DSCAM: variants seen among roughly 807,000 people sequenced by gnomAD.
DSCAM encodes the protein DS cell adhesion molecule.
DSCAM carries 47 observed loss-of-function variants against 217.7 expected under a neutral mutation model. The ratio of observed to expected loss-of-function variants is 0.22; its 90% CI spans 0.17 to 0.28. The LOEUF (loss-of-function observed/expected upper bound fraction) is 0.28, where lower values mean the gene tolerates loss of function less well. Among genes scored for constraint, DSCAM ranks in the 10% least tolerant of loss-of-function variants. The pLI is 1.00. For synonymous variants in DSCAM, 1,056 were observed against 1,015.3 expected (o/e 1.04, Z -0.76); for missense variants, 2,080 against 2,618.3 (o/e 0.79, Z 4.49).
At chr21:40,792,958 G>A (rs975950125) in intron 1 of DSCAM, among the ~76,000 whole-genome samples, 26 of 152,054 alleles carry the variant, frequency 1.7e-4, no homozygotes, top group African/African-American at 4.8e-5. Flanking sequence ...TGGGGAGGAG[G>A]GGAGCTGATT....
At chr21:40,423,672 C>G (rs2075445928) in intron 3 of DSCAM, among the ~76,000 whole-genome samples, 1 of 152,078 alleles carries the variant, frequency 6.6e-6, no homozygotes. Flanking sequence ...CTTTTTGTGC[C>G]TTATACCCCT....
chr21:40,410,469 G>A (rs913818698), intron 3 of DSCAM, among the ~76,000 whole-genome samples: 1 of 151,782 alleles, frequency 6.6e-6, no homozygotes, highest in African/African-American at 2.4e-5. Flanking sequence ...ATATTTGAAG[G>A]GAGTATTGAA....
intron 1 of DSCAM, among the ~76,000 whole-genome samples, chr21:40,716,380 A>G (rs1034872010): frequency 4.6e-5 from 7 of 150,664 alleles, no homozygotes; most frequent in Non-Finnish European, 7.4e-5. Context: ...AATGTGAATT[A>G]TGTGTGTGTG....
chr21:40,265,961 G>A (rs1416915248), intron 11 of DSCAM, among the ~76,000 whole-genome samples: 1 of 152,166 alleles, frequency 6.6e-6, no homozygotes, highest in African/African-American at 2.4e-5. Flanking sequence ...AAAGAATTAT[G>A]TCTAGGACCC....
At chr21:40,141,854 C>T (rs1270554278) in intron 18 of DSCAM, among the ~76,000 whole-genome samples, 4 of 152,122 alleles carry the variant, frequency 2.6e-5, no homozygotes, top group Admixed American at 1.3e-4. Flanking sequence ...AGCCTGAGGG[C>T]GAAGACACTG....
At chr21:40,447,537 T>C (rs1195660023) in intron 3 of DSCAM, among the ~76,000 whole-genome samples, 1 of 152,200 alleles carries the variant, frequency 6.6e-6, no homozygotes, top group Non-Finnish European at 1.5e-5. Context: ...AAAAAAAGTA[T>C]TTCAGACATT....
intron 3 of DSCAM, among the ~76,000 whole-genome samples, chr21:40,646,392 CAG>C (rs1178998837): frequency 7.0e-6 from 1 of 141,904 alleles, no homozygotes; most frequent in Admixed American, 7.3e-5. Flanking sequence ...GCCTGGGCAA[CAG>C]AGTGAGAGAC....
At chr21:40,346,654 T>C (rs2074560916) in intron 6 of DSCAM, among the ~76,000 whole-genome samples, 1 of 152,166 alleles carries the variant, frequency 6.6e-6, no homozygotes, top group Non-Finnish European at 1.5e-5. Flanking sequence ...AGCTTTAAGA[T>C]TTAGTATGCA....
chr21:40,124,420 G>A, intron 19 of DSCAM, 92 bp from the exon 20 acceptor site: 3 of 1,524,540 alleles, frequency 2.0e-6, no homozygotes, highest in East Asian at 2.3e-5. Context: ...CGCACTTACT[G>A]TTCAGCTCTT....
In DSCAM at chr21:40,403,780, G is replaced by A. The variant is rs572231732; in HGVS notation, c.509-34535C>T. On this transcript the variant is annotated intron_variant, in intron 3 of 32. Coordinates refer to ENST00000400454, the MANE Select transcript of DSCAM (RefSeq NM_001389.5). Reference sequence around the variant, plus strand: ...TGATAGAAGGCCCTAGACTTGAATGGCTGATGAGGACATTATGCTCATTAA... The same window carrying A: ...TGATAGAAGGCCCTAGACTTGAATGACTGATGAGGACATTATGCTCATTAA... Among the ~76,000 whole-genome samples the A allele has an allele frequency of 2.6e-5, 4 of 152,280 alleles. No homozygotes were observed. The East Asian group carries it at 7.7e-4, about 29-fold the overall frequency.
At chr21:40,497,222 T>C (rs1837957229) in intron 3 of DSCAM, among the ~76,000 whole-genome samples, 2 of 152,116 alleles carry the variant, frequency 1.3e-5, no homozygotes. Flanking sequence ...TTATTCACAA[T>C]AGACAAAAAT....
intron 3 of DSCAM, among the ~76,000 whole-genome samples, chr21:40,400,670 G>A (rs1430055091): frequency 1.3e-5 from 2 of 152,156 alleles, no homozygotes; most frequent in African/African-American, 2.4e-5. Flanking sequence ...TTCTGCCTTG[G>A]CCTCCCAAAG....
At chr21:40,237,391 T>C (rs973757555) in intron 11 of DSCAM, among the ~76,000 whole-genome samples, 1 of 152,104 alleles carries the variant, frequency 6.6e-6, no homozygotes, top group Non-Finnish European at 1.5e-5. Context: ...CAGGCCCTGG[T>C]GTGTGATGTT....
chr21:40,770,793 G>A (rs1227769547), intron 1 of DSCAM, among the ~76,000 whole-genome samples: 1 of 152,234 alleles, frequency 6.6e-6, no homozygotes, highest in African/African-American at 2.4e-5. Context: ...CATGTGGCTG[G>A]TAAGAAGAAC....
At chr21:40,509,860 C>T (rs867478022) in intron 3 of DSCAM, among the ~76,000 whole-genome samples, 1 of 152,168 alleles carries the variant, frequency 6.6e-6, no homozygotes, top group Admixed American at 6.5e-5. Flanking sequence ...TGAGGTGGCT[C>T]ATGGCTATAA....
chr21:40,697,691 A>G (rs1272477479), intron 2 of DSCAM, among the ~76,000 whole-genome samples: 1 of 152,190 alleles, frequency 6.6e-6, no homozygotes, highest in Admixed American at 6.5e-5. Context: ...CCATTGGTCT[A>G]TGTGTCTGTT....
intron 16 of DSCAM, among the ~76,000 whole-genome samples, chr21:40,165,579 C>T (rs2090585878): frequency 6.6e-6 from 1 of 152,246 alleles, no homozygotes; most frequent in African/African-American, 2.4e-5. Flanking sequence ...AATGCACTGA[C>T]TTTTGTGGCT....
intron 3 of DSCAM, among the ~76,000 whole-genome samples, chr21:40,541,896 G>A (rs1568891031): frequency 1.3e-5 from 2 of 152,194 alleles, no homozygotes. Flanking sequence ...CCTGGTAGAT[G>A]TGGCAACGCC....
At chr21:40,410,480 AT>A (rs2075313250) in intron 3 of DSCAM, among the ~76,000 whole-genome samples, 1 of 152,160 alleles carries the variant, frequency 6.6e-6, no homozygotes, top group South Asian at 2.1e-4. Flanking sequence ...GAGTATTGAA[AT>A]AAATAGTTCC....
Sources: gnomAD v4.1 joint callset for allele counts (sites outside exome capture counted in the v4.1 genomes callset) on GRCh38, gnomAD v4.1.1 for gene constraint, MANE v1.5 for transcripts, NCBI Gene and HGNC (gene_info 2026-07-23, HGNC 2026-07-21) for gene names.